The following ZNF385D variants were observed in gnomAD, a reference collection of about 807,000 sequenced individuals.
The protein encoded by ZNF385D is zinc finger protein 385D, also known as zinc finger protein 659.
Under a neutral mutation model 35.8 loss-of-function variants are expected in ZNF385D, and 15 were observed. The observed-to-expected ratio is 0.42, with a 90% CI of 0.28 to 0.64. The LOEUF (loss-of-function observed/expected upper bound fraction) is 0.64. Ranked by LOEUF, ZNF385D falls within the 30% of genes least tolerant of loss-of-function variation. The probability of loss-of-function intolerance (pLI) is 0.23; values close to 1 mark genes in which losing one functional copy is unlikely to be tolerated. For synonymous variants in ZNF385D, 212 were observed against 186.8 expected, an observed-to-expected ratio of 1.13 and a Z score of -1.10; for missense variants, 474 against 494.6, an observed-to-expected ratio of 0.96 and a Z score of 0.39.
chr3:21,590,575 A>G (rs2063945717), intron 2 of ZNF385D, among the ~76,000 whole-genome samples: 1 of 152,120 alleles, frequency 6.6e-6, no homozygotes, highest in Non-Finnish European at 1.5e-5. Flanking sequence ...CATTGTTTTT[A>G]TCTGTTGAAT....
intron 3 of ZNF385D, among the ~76,000 whole-genome samples, chr3:22,048,050 G>C (rs768191350): frequency 5.3e-5 from 8 of 152,052 alleles, no homozygotes; most frequent in Non-Finnish European, 1.2e-4. Flanking sequence ...CTTCTTTTGA[G>C]AAACATCCAT....
At chr3:21,886,172 T>C (rs990939207) in intron 3 of ZNF385D, among the ~76,000 whole-genome samples, 1 of 152,092 alleles carries the variant, frequency 6.6e-6, no homozygotes, top group African/African-American at 2.4e-5. Flanking sequence ...ATCCTGGCCT[T>C]ATCTCAATTC....
intron 3 of ZNF385D, among the ~76,000 whole-genome samples, chr3:21,774,043 C>T (rs369444336): frequency 1.6e-4 from 25 of 151,890 alleles, no homozygotes; most frequent in Middle Eastern, 3.4e-3. Context: ...TGATAGACTG[C>T]GTAAAGAAAA....
intron 2 of ZNF385D, among the ~76,000 whole-genome samples, chr3:21,657,933 G>A (rs1484794032): frequency 6.6e-6 from 1 of 151,882 alleles, no homozygotes; most frequent in Non-Finnish European, 1.5e-5. Context: ...GCACTATACA[G>A]GAATCATTTT....
intron 3 of ZNF385D, among the ~76,000 whole-genome samples, chr3:21,934,866 TCAC>T (rs766527202): frequency 6.6e-5 from 10 of 152,192 alleles, no homozygotes; most frequent in East Asian, 3.9e-4. Context: ...TCACATTGAT[TCAC>T]CACATTTTTA....
At chr3:22,168,148 T>C (rs149193963) in intron 3 of ZNF385D, among the ~76,000 whole-genome samples, 1 of 152,164 alleles carries the variant, frequency 6.6e-6, no homozygotes, top group Non-Finnish European at 1.5e-5. Flanking sequence ...GTAACTCAAG[T>C]TGCAGTGAGT....
chr3:21,912,668 T>C (rs995002940), intron 3 of ZNF385D, among the ~76,000 whole-genome samples: 2 of 152,076 alleles, frequency 1.3e-5, no homozygotes, highest in Non-Finnish European at 2.9e-5. Flanking sequence ...GTGGCGATCA[T>C]TAGAACTTTC....
intron 3 of ZNF385D, among the ~76,000 whole-genome samples, chr3:22,148,478 G>A (rs1452092927): frequency 6.6e-6 from 1 of 152,128 alleles, no homozygotes; most frequent in Non-Finnish European, 1.5e-5. Flanking sequence ...GGATGGGCCA[G>A]CCACAGTTTA....
intron 3 of ZNF385D, among the ~76,000 whole-genome samples, chr3:21,793,203 G>C (rs535087822): frequency 5.1e-4 from 77 of 152,308 alleles, no homozygotes; most frequent in African/African-American, 1.8e-3. Flanking sequence ...CATCTCTGCT[G>C]CTAGCTAGCC....
intron 2 of ZNF385D, among the ~76,000 whole-genome samples, chr3:22,187,802 A>G (rs997059845): frequency 1.3e-5 from 2 of 152,192 alleles, no homozygotes; most frequent in African/African-American, 4.8e-5. Flanking sequence ...GCTGTCCACA[A>G]TAATGTAGAG....
At chr3:21,791,207 A>AT (rs921635725) in intron 3 of ZNF385D, among the ~76,000 whole-genome samples, 7 of 151,938 alleles carry the variant, frequency 4.6e-5, no homozygotes, top group East Asian at 1.9e-4. Context: ...CACAATGGAC[A>AT]TTTTTTTTAA....
chr3:22,046,536 T>C (rs1322657519), intron 3 of ZNF385D, among the ~76,000 whole-genome samples: 1 of 152,204 alleles, frequency 6.6e-6, no homozygotes, highest in Non-Finnish European at 1.5e-5. Context: ...GAGCTACCAC[T>C]GAAGAAAAGT....
At chr3:21,763,268 G>A (rs1473457825) in intron 3 of ZNF385D, among the ~76,000 whole-genome samples, 12 of 152,122 alleles carry the variant, frequency 7.9e-5, no homozygotes, top group Admixed American at 7.9e-4. Flanking sequence ...ATGGCTCCGA[G>A]CTGTCAGGTC....
At chr3:21,983,094 G>T (rs1309534824) in intron 3 of ZNF385D, among the ~76,000 whole-genome samples, 1 of 151,250 alleles carries the variant, frequency 6.6e-6, no homozygotes, top group Non-Finnish European at 1.5e-5. Flanking sequence ...TCAAGATGTT[G>T]TTGGCCTCAT....
intron 4 of ZNF385D, among the ~76,000 whole-genome samples, chr3:21,483,466 G>C (rs1023638736): frequency 2.0e-5 from 3 of 152,166 alleles, no homozygotes; most frequent in Non-Finnish European, 4.4e-5. Flanking sequence ...CCAGCAGTAA[G>C]ATTGCTGGGT....
chr3:21,947,955 ATTAGTTC>A (rs904774448), intron 3 of ZNF385D, among the ~76,000 whole-genome samples: 3 of 152,128 alleles, frequency 2.0e-5, no homozygotes, highest in Non-Finnish European at 4.4e-5. Context: ...TTTTGATACA[ATTAGTTC>A]TTTGTTCTGA....
chr3:22,164,679 T>C (rs375905944), intron 3 of ZNF385D, among the ~76,000 whole-genome samples: 3 of 151,696 alleles, frequency 2.0e-5, no homozygotes, highest in South Asian at 2.1e-4. Flanking sequence ...AGTGGATAAA[T>C]TGTTTCCCCT....
At position 22,045,780 on chromosome 3, in the gene ZNF385D, C is replaced by T. The variant is rs577205602; in HGVS notation, c.325+123037G>A. Reference sequence around the variant, plus strand: ...ATTCTCTCAAACCAATGGAGCCTGGCGACACTAAGATCATGACCTGGCGAT... The same window carrying T: ...ATTCTCTCAAACCAATGGAGCCTGGTGACACTAAGATCATGACCTGGCGAT... On this transcript the variant is annotated intron_variant, in intron 3 of 5. Coordinates refer to the ZNF385D transcript ENST00000494108. Among the ~76,000 whole-genome samples the T allele has an allele frequency of 3.8e-4, 58 of 151,876 alleles. 2 individuals are homozygous for T. Among genetic ancestry groups the T allele is most frequent in the Admixed American group, 3.3e-3 (50 of 15,206 alleles).
chr3:22,091,953 A>G (rs1028123418), intron 3 of ZNF385D, among the ~76,000 whole-genome samples: 2 of 152,206 alleles, frequency 1.3e-5, no homozygotes, highest in African/African-American at 4.8e-5. Flanking sequence ...AATGGATACA[A>G]TGACTGTTGG....
Sources: gnomAD v4.1 joint callset for allele counts (sites outside exome capture counted in the v4.1 genomes callset) on GRCh38, gnomAD v4.1.1 for gene constraint, MANE v1.5 for transcripts, NCBI Gene and HGNC (gene_info 2026-07-23, HGNC 2026-07-21) for gene names.